Variants in SCTR observed in about 807,000 individuals in gnomAD.
SCTR encodes pancreatic secretin receptor.
Under a neutral mutation model 60.8 loss-of-function variants are expected in SCTR, and 56 were observed. That is an observed-to-expected ratio of 0.92 (90% CI 0.74 to 1.15). SCTR has a LOEUF of 1.15. Ranked by LOEUF, SCTR falls within the 50% of genes most tolerant of loss-of-function variation. The pLI, the probability that SCTR is intolerant of heterozygous loss-of-function variation, is 0.00. For missense variants in SCTR, 562 were observed against 550.4 expected (o/e 1.02, Z -0.21); for synonymous variants, 202 against 217.0 (o/e 0.93, Z 0.61).
At chr2:119,502,552 C>T (rs1016264467) in intron 1 of SCTR, among the ~76,000 whole-genome samples, 1 of 151,880 alleles carries the variant, frequency 6.6e-6, no homozygotes, top group African/African-American at 2.4e-5. Flanking sequence ...AATGAGAATA[C>T]CTAAAAGAGG....
chr2:119,517,839 C>T (rs1679163757), intron 1 of SCTR, among the ~76,000 whole-genome samples: 1 of 152,134 alleles, frequency 6.6e-6, no homozygotes, highest in African/African-American at 2.4e-5. Context: ...CACTTGGATG[C>T]TGTTATGGAC....
Position 119,498,108 on chromosome 2 carries a change from G to GA in SCTR, c.73-3561dup, listed in dbSNP as rs1312407971. The stretch of plus-strand genomic sequence containing the variant: ...ATTATTTTTGAAAACTAAAGACTAA[G>GA]AAAAAACCTAGAAAGCAGCCAGAGA... On this transcript the variant is annotated intron_variant, in intron 1 of 12. Coordinates refer to ENST00000019103, the MANE Select transcript of SCTR (RefSeq NM_002980.3). Among the ~76,000 whole-genome samples, 6 of 151,936 alleles carry GA rather than the reference G, an allele frequency of 3.9e-5. 1 individual carries two copies. Among genetic ancestry groups the GA allele is most frequent in the Admixed American group, 3.9e-4 (6 of 15,256 alleles).
chr2:119,445,762 G>A (rs1276850114), intron 11 of SCTR, among the ~76,000 whole-genome samples: 12 of 152,176 alleles, frequency 7.9e-5, no homozygotes, highest in Non-Finnish European at 1.2e-4. Flanking sequence ...ATGGATATGC[G>A]AAATTTTGAA....
chr2:119,440,680 G>T (rs945899583), intron 12 of SCTR, among the ~76,000 whole-genome samples: 9 of 152,148 alleles, frequency 5.9e-5, no homozygotes, highest in Non-Finnish European at 1.3e-4. Flanking sequence ...GGAGGGTGTG[G>T]TCTGAAGGTG....
At chr2:119,502,408 C>T (rs1678583305) in intron 1 of SCTR, among the ~76,000 whole-genome samples, 1 of 152,192 alleles carries the variant, frequency 6.6e-6, no homozygotes, top group African/African-American at 2.4e-5. Context: ...ATACCATGTT[C>T]ATGGATTAGA....
chr2:119,467,817 A>G (rs1437406846), intron 4 of SCTR, among the ~76,000 whole-genome samples: 1 of 152,240 alleles, frequency 6.6e-6, no homozygotes, highest in Non-Finnish European at 1.5e-5. Flanking sequence ...ATGAGTCAGG[A>G]CATGCTGATA....
At chr2:119,492,621 A>G (rs1237549845) in intron 2 of SCTR, among the ~76,000 whole-genome samples, 2 of 152,176 alleles carry the variant, frequency 1.3e-5, no homozygotes, top group Non-Finnish European at 2.9e-5. Flanking sequence ...TACCTTCATA[A>G]TAAAATATTG....
chr2:119,439,982 A>C lies in SCTR; in HGVS notation c.*135T>G. The C allele has an allele frequency of 1.1e-6, 1 of 904,318 alleles. No individual in the cohort carries two copies. The highest frequency in any genetic ancestry group is 1.7e-6 in the Non-Finnish European group (1 of 604,112). 56.0% of individuals were successfully genotyped at this position (904,318 alleles called of 1,614,324 possible). A position where few individuals can be genotyped will look rare whatever the true frequency, so the allele number is the denominator to read the frequency against. On this transcript the variant is annotated 3_prime_UTR_variant, in exon 13 of 13. Coordinates refer to ENST00000019103, the MANE Select transcript of SCTR (RefSeq NM_002980.3). The stretch of plus-strand genomic sequence containing the variant: ...CCTCACATCCCTTCGGAAGAGTCCA[A>C]GGCCTGGGGAGGGGCATCTTCAGCT...
intron 2 of SCTR, among the ~76,000 whole-genome samples, chr2:119,492,065 C>T (rs191483884): frequency 1.3e-5 from 2 of 152,338 alleles, no homozygotes; most frequent in African/African-American, 4.8e-5. Flanking sequence ...GAAAGTCTGG[C>T]TTCCCAGTAT....
intron 11 of SCTR, among the ~76,000 whole-genome samples, chr2:119,444,113 T>TTA (rs1682762041): frequency 2.5e-4 from 7 of 27,796 alleles, no homozygotes; most frequent in African/African-American, 8.5e-4. Flanking sequence ...AAACATTTTC[T>TTA]CATGTGTGTG....
At chr2:119,502,696 A>G (rs1414243199) in intron 1 of SCTR, among the ~76,000 whole-genome samples, 1 of 152,136 alleles carries the variant, frequency 6.6e-6, no homozygotes, top group Non-Finnish European at 1.5e-5. Context: ...CAGTGATAAA[A>G]TAAAGGAATG....
intron 1 of SCTR, among the ~76,000 whole-genome samples, chr2:119,501,089 A>C (rs1232787618): frequency 2.0e-5 from 3 of 152,230 alleles, no homozygotes; most frequent in Non-Finnish European, 4.4e-5. Flanking sequence ...CAAATATTGC[A>C]TGTTGTCACT....
At chr2:119,520,923 A>G (rs1679268749) in intron 1 of SCTR, among the ~76,000 whole-genome samples, 1 of 152,214 alleles carries the variant, frequency 6.6e-6, no homozygotes, top group Non-Finnish European at 1.5e-5. Flanking sequence ...GTTCTCAAGC[A>G]GGGGCGATTT....
chr2:119,489,978 G>A (rs760235819), intron 2 of SCTR, among the ~76,000 whole-genome samples: 1 of 152,230 alleles, frequency 6.6e-6, no homozygotes, highest in Non-Finnish European at 1.5e-5. Context: ...TCACAGGGCT[G>A]CTGTCATTGG....
chr2:119,444,292 CATATATACGTATGA>C (rs1682790688), intron 11 of SCTR, among the ~76,000 whole-genome samples: 1 of 140,700 alleles, frequency 7.1e-6, no homozygotes, highest in Non-Finnish European at 1.5e-5. Flanking sequence ...AATATATACA[CATATATACGTATGA>C]ATATATACAC....
At chr2:119,507,414 A>G (rs754354719) in intron 1 of SCTR, among the ~76,000 whole-genome samples, 28 of 152,204 alleles carry the variant, frequency 1.8e-4, no homozygotes, top group Non-Finnish European at 3.4e-4. Context: ...AGGAAGGTAG[A>G]CAACCAATGT....
intron 7 of SCTR, among the ~76,000 whole-genome samples, chr2:119,460,402 G>A (rs937165660): frequency 2.0e-5 from 3 of 151,250 alleles, no homozygotes; most frequent in Admixed American, 6.6e-5. Flanking sequence ...AGGAATGGAT[G>A]GATGAGTGGG....
chr2:119,523,977 G>C (rs1203797627), intron 1 of SCTR, among the ~76,000 whole-genome samples, 178 bp downstream of exon 1: 1 of 152,152 alleles, frequency 6.6e-6, no homozygotes, highest in Non-Finnish European at 1.5e-5. Flanking sequence ...TTTGGGAAAG[G>C]GTCCCTCCGG....
chr2:119,475,748 A>G (rs917227608), intron 3 of SCTR, among the ~76,000 whole-genome samples: 1 of 149,286 alleles, frequency 6.7e-6, no homozygotes, highest in African/African-American at 2.4e-5. Flanking sequence ...ATATAGATAT[A>G]TATTTATGCA....
Sources: allele counts gnomAD v4.1 joint callset (sites outside exome capture counted in the v4.1 genomes callset), GRCh38; gene constraint gnomAD v4.1.1; transcripts MANE v1.5; gene names NCBI Gene and HGNC (gene_info 2026-07-23, HGNC 2026-07-21).